The following ZNF540 variants were observed in gnomAD, a reference collection of about 807,000 sequenced individuals.
ZNF540 encodes CTD-3064H18.6.
Under a neutral mutation model 11.8 loss-of-function variants are expected in ZNF540, and 3 were observed. The observed-to-expected ratio is 0.25, with a 90% CI of 0.12 to 0.65. The LOEUF (loss-of-function observed/expected upper bound fraction) is 0.65. Ranked by LOEUF, ZNF540 falls within the 30% of genes least tolerant of loss-of-function variation. The pLI, the probability that ZNF540 is intolerant of heterozygous loss-of-function variation, is 0.83. For synonymous variants in ZNF540, 247 were observed against 259.0 expected, an observed-to-expected ratio of 0.95 and a Z score of 0.45; for missense variants, 709 against 793.1, an observed-to-expected ratio of 0.89 and a Z score of 1.27.
chr19:37,561,417 C>A (rs960054003), intron 1 of ZNF540, among the ~76,000 whole-genome samples: 1 of 152,214 alleles, frequency 6.6e-6, no homozygotes, highest in Non-Finnish European at 1.5e-5. Flanking sequence ...CCCTTACCAT[C>A]ATTCTTTATG....
upstream of ZNF540, among the ~76,000 whole-genome samples, chr19:37,591,983 C>T (rs377326260): frequency 2.7e-4 from 41 of 152,044 alleles, no homozygotes; most frequent in African/African-American, 9.2e-4. Context: ...ATGGGCCAGG[C>T]GCGGTGCCTC....
intron 1 of ZNF540, among the ~76,000 whole-genome samples, chr19:37,572,446 G>A (rs547118933): frequency 1.2e-4 from 18 of 152,242 alleles, no homozygotes; most frequent in African/African-American, 4.3e-4. Context: ...CCTCTGACCA[G>A]CATATTGTCT....
At chr19:37,592,131 G>A (rs538818943), upstream of ZNF540, among the ~76,000 whole-genome samples, 51 of 152,094 alleles carry the variant, frequency 3.4e-4, no homozygotes, top group African/African-American at 1.2e-3. Flanking sequence ...GGTGGCACAT[G>A]CCTGTAATCC....
rs1206253414 is a variant in ZNF540 at position 37,601,066 on chromosome 19, T to C, written c.193T>C (p.Cys65Arg). ...ITLLEQGKEP[C>R]VVARDVTGRQ... ...CTTACTGGAGCAAGGGAAAGAGCCC[T>C]GCGTGGTGGCGAGGGATGTGACAGG... Residue 65 changes from cysteine (C) to arginine (R), a missense_variant, in exon 4 of 5, where the codon TGC becomes CGC. Coordinates refer to ENST00000316433, the MANE Select transcript of ZNF540 (RefSeq NM_001172225.3). The C allele has an allele frequency of 2.5e-6, 4 of 1,590,842 alleles. No homozygotes were observed. The East Asian group carries it at 9.2e-5, about 37-fold the overall frequency.
chr19:37,566,975 C>T (rs1475019734), intron 1 of ZNF540, among the ~76,000 whole-genome samples: 1 of 152,122 alleles, frequency 6.6e-6, no homozygotes, highest in African/African-American at 2.4e-5. Context: ...CTTACCACTC[C>T]CCTAATTATT....
intron 1 of ZNF540, among the ~76,000 whole-genome samples, chr19:37,578,084 A>C (rs2043308146): frequency 6.6e-6 from 1 of 152,154 alleles, no homozygotes; most frequent in Non-Finnish European, 1.5e-5. Flanking sequence ...CCTTATGAGA[A>C]TCTAACTAAT....
In ZNF540 at chr19:37,612,682, G is replaced by A. The variant is rs771152501; in HGVS notation, c.1402G>A (p.Glu468Lys). 9.3e-6 allele frequency: 15 copies of A among 1,613,960 alleles called. No homozygotes were observed. The highest frequency in any genetic ancestry group is 2.7e-5 in the African/African-American group (2 of 74,904). The stretch of plus-strand genomic sequence containing the variant: ...ACTTCATACTGGTGTGAAGCCCTAC[G>A]AATGTAAGGAATGTGGGAAGACCTT... ...QRLHTGVKPY[E>K]CKECGKTFRV... The change falls in exon 5 of 5, where the codon GAA (glutamate) becomes AAA (lysine). Residue 468 changes from glutamate (E) to lysine (K), a missense_variant. Glu to Lys is a moderately conservative substitution (Grantham distance 56). Coordinates refer to ENST00000316433, the MANE Select transcript of ZNF540 (RefSeq NM_001172225.3).
upstream of ZNF540, among the ~76,000 whole-genome samples, chr19:37,590,558 T>A (rs1366165711): frequency 6.6e-6 from 1 of 152,214 alleles, no homozygotes; most frequent in African/African-American, 2.4e-5. Context: ...TAGTCCCCTG[T>A]GCTCAGAAAA....
intron 1 of ZNF540, among the ~76,000 whole-genome samples, chr19:37,554,045 A>G (rs2042635472): frequency 6.6e-6 from 1 of 152,150 alleles, no homozygotes; most frequent in African/African-American, 2.4e-5. Flanking sequence ...GGTTTGTTAC[A>G]TTGGCAAACT....
intron 1 of ZNF540, among the ~76,000 whole-genome samples, chr19:37,576,470 T>C (rs1377445049): frequency 2.6e-5 from 4 of 152,120 alleles, no homozygotes; most frequent in African/African-American, 4.8e-5. Context: ...TACTCTACCA[T>C]ACAGCCACAG....
chr19:37,557,214 C>T (rs1391020294), intron 1 of ZNF540, among the ~76,000 whole-genome samples: 1 of 152,186 alleles, frequency 6.6e-6, no homozygotes, highest in Non-Finnish European at 1.5e-5. Context: ...CAAGTTTCTT[C>T]GGAGACGGTG....
chr19:37,592,606 C>T (rs1047317318), upstream of ZNF540, among the ~76,000 whole-genome samples: 1 of 152,118 alleles, frequency 6.6e-6, no homozygotes, highest in Non-Finnish European at 1.5e-5. Context: ...AGCATTTAAA[C>T]ACATCAATAT....
At chr19:37,568,665 C>G (rs1370079882) in intron 1 of ZNF540, among the ~76,000 whole-genome samples, 1 of 152,006 alleles carries the variant, frequency 6.6e-6, no homozygotes, top group Non-Finnish European at 1.5e-5. Flanking sequence ...ATTAGAATAC[C>G]AAAGTCTCAG....
intron 1 of ZNF540, among the ~76,000 whole-genome samples, chr19:37,558,463 GTGA>G (rs1273816092): frequency 6.6e-6 from 1 of 152,048 alleles, no homozygotes; most frequent in Admixed American, 6.6e-5. Flanking sequence ...AACGGTCCTG[GTGA>G]CTCATCATGC....
At chr19:37,605,476 C>T (rs1057110542) in intron 4 of ZNF540, among the ~76,000 whole-genome samples, 1 of 152,042 alleles carries the variant, frequency 6.6e-6, no homozygotes, top group African/African-American at 2.4e-5. Context: ...GGTGAAACCC[C>T]GTCTCTACTA....
At chr19:37,598,606 C>G in intron 2 of ZNF540, 150 bp downstream of exon 2, 1 of 764,502 alleles carries the variant, frequency 1.3e-6, no homozygotes, top group Non-Finnish European at 2.2e-6. Flanking sequence ...CTTTTCTAAC[C>G]AGTATCCACA....
rs2147221726 is a variant in ZNF540 at position 37,594,974 on chromosome 19, T to G, written c.-194T>G. 6.6e-6 allele frequency: 1 copy of G among 152,200 alleles called. No homozygotes were observed. Among genetic ancestry groups the G allele is most frequent in the East Asian group, 1.9e-4 (1 of 5,166 alleles). 9.4% of individuals were successfully genotyped at this position (152,200 alleles called of 1,614,324 possible). On this transcript the variant is annotated 5_prime_UTR_variant, in exon 1 of 5. The change creates a new upstream start codon in the 5' untranslated region. Transcript: ENST00000316433. ...CTACTATGGTCCGAGCCTACCCTAT[T>G]TCATTATACTCAAGTAACGCCCCAG...
At chr19:37,558,662 T>C (rs1329074718) in intron 1 of ZNF540, among the ~76,000 whole-genome samples, 1 of 152,130 alleles carries the variant, frequency 6.6e-6, no homozygotes, top group African/African-American at 2.4e-5. Context: ...TCTGTATATC[T>C]CCTTCCTCTC....
intron 1 of ZNF540, among the ~76,000 whole-genome samples, chr19:37,581,350 C>T (rs1000381410): frequency 5.9e-5 from 9 of 152,146 alleles, no homozygotes; most frequent in Non-Finnish European, 1.3e-4. Context: ...AACAGCAACA[C>T]GTCTTAAAGC....
Sources: allele counts gnomAD v4.1 joint callset (sites outside exome capture counted in the v4.1 genomes callset), GRCh38; gene constraint gnomAD v4.1.1; transcripts MANE v1.5; gene names NCBI Gene and HGNC (gene_info 2026-07-23, HGNC 2026-07-21).